The following ATF2 variants were observed in gnomAD, a reference collection of about 807,000 sequenced individuals.
ATF2 encodes the protein cyclic AMP-dependent transcription factor ATF-2.
Under a neutral mutation model 60.6 loss-of-function variants are expected in ATF2, and 24 were observed. The ratio of observed to expected loss-of-function variants is 0.40; its 90% CI spans 0.29 to 0.56. ATF2 has a LOEUF of 0.56. Among genes scored for constraint, ATF2 ranks in the 20% least tolerant of loss-of-function variants. The probability of loss-of-function intolerance (pLI) is 0.54; values close to 1 mark genes in which losing one functional copy is unlikely to be tolerated. For missense variants in ATF2, 433 were observed against 607.7 expected, an observed-to-expected ratio of 0.71 and a Z score of 3.02; for synonymous variants, 206 against 215.4, an observed-to-expected ratio of 0.96 and a Z score of 0.38.
intron 13 of ATF2, among the ~76,000 whole-genome samples, chr2:175,077,368 G>A (rs999276154): frequency 3.3e-5 from 5 of 152,098 alleles, no homozygotes; most frequent in Non-Finnish European, 5.9e-5. Context: ...CTGAGGAATC[G>A]CCACACTGAC....
intron 7 of ATF2, among the ~76,000 whole-genome samples, chr2:175,116,145 G>GT (rs1296448431): frequency 6.6e-6 from 1 of 152,104 alleles, no homozygotes; most frequent in East Asian, 1.9e-4. Context: ...TTTTAAGCAG[G>GT]TGACATATTT....
chr2:175,093,302 G>T, intron 11 of ATF2, 35 bp from the exon 12 acceptor site: 1 of 1,592,330 alleles, frequency 6.3e-7, no homozygotes, highest in Non-Finnish European at 8.6e-7. Flanking sequence ...TGTTATATTT[G>T]TATCTAGTGA....
chr2:175,105,001 T>C (rs1039867565), intron 10 of ATF2, among the ~76,000 whole-genome samples: 11 of 152,156 alleles, frequency 7.2e-5, no homozygotes, highest in African/African-American at 2.2e-4. Flanking sequence ...AAATAATTAA[T>C]GAATATTTAA....
At chr2:175,077,259 C>T (rs2105524417) in intron 13 of ATF2, among the ~76,000 whole-genome samples, 1 of 152,264 alleles carries the variant, frequency 6.6e-6, no homozygotes, top group South Asian at 2.1e-4. Flanking sequence ...AATAAACATA[C>T]ATTTGCATGT....
intron 10 of ATF2, among the ~76,000 whole-genome samples, chr2:175,106,364 T>TA (rs1333480544): frequency 2.0e-5 from 3 of 148,054 alleles, no homozygotes; most frequent in Non-Finnish European, 4.5e-5. Context: ...TACCCATCTC[T>TA]AAAAATACAA....
intron 1 of ATF2, among the ~76,000 whole-genome samples, chr2:175,166,744 T>C (rs1251240907): frequency 1.3e-5 from 2 of 152,200 alleles, no homozygotes; most frequent in Non-Finnish European, 2.9e-5. Flanking sequence ...ACGCCAGTGG[T>C]CATGTTTCTT....
At chr2:175,155,328 T>A (rs1053890574) in intron 1 of ATF2, among the ~76,000 whole-genome samples, 3 of 152,048 alleles carry the variant, frequency 2.0e-5, no homozygotes, top group African/African-American at 7.3e-5. Flanking sequence ...AAAATAAGAG[T>A]GCCTTAAAAC....
chr2:175,090,743 C>CA (rs1179383879), intron 12 of ATF2, among the ~76,000 whole-genome samples: 1 of 151,978 alleles, frequency 6.6e-6, no homozygotes, highest in African/African-American at 2.4e-5. Context: ...TCTCATGCTT[C>CA]AAAAAATGAT....
intron 2 of ATF2, among the ~76,000 whole-genome samples, chr2:175,140,091 T>C (rs1698400347): frequency 6.6e-6 from 1 of 152,180 alleles, no homozygotes; most frequent in Non-Finnish European, 1.5e-5. Flanking sequence ...TAATCTTTAA[T>C]TTCATAGAGG....
chr2:175,157,644 G>C (rs1044481781), intron 1 of ATF2, among the ~76,000 whole-genome samples: 2 of 152,128 alleles, frequency 1.3e-5, no homozygotes, highest in Admixed American at 1.3e-4. Flanking sequence ...CAACACTGAA[G>C]GGGGAGGGGC....
intron 11 of ATF2, among the ~76,000 whole-genome samples, chr2:175,094,936 C>A (rs888093201): frequency 6.6e-6 from 1 of 151,548 alleles, no homozygotes; most frequent in Non-Finnish European, 1.5e-5. Flanking sequence ...AGGAAGATCC[C>A]GTCTCAAAAA....
chr2:175,089,777 G>A (rs1694417380), intron 12 of ATF2, among the ~76,000 whole-genome samples: 1 of 152,102 alleles, frequency 6.6e-6, no homozygotes, highest in South Asian at 2.1e-4. Flanking sequence ...ATAACAGAAA[G>A]TCATCATTGA....
intron 10 of ATF2, among the ~76,000 whole-genome samples, chr2:175,108,545 C>T (rs1476832977): frequency 1.3e-5 from 2 of 149,736 alleles, no homozygotes; most frequent in Middle Eastern, 3.5e-3. Flanking sequence ...CCGCCCCATC[C>T]GGGAGGGAGG....
At chr2:175,151,729 G>T (rs529715052) in intron 1 of ATF2, among the ~76,000 whole-genome samples, 3 of 152,246 alleles carry the variant, frequency 2.0e-5, no homozygotes, top group South Asian at 2.1e-4. Context: ...TGGCTTAAAT[G>T]ATTCAGAAGT....
rs376713123 is a variant in ATF2 at position 175,080,688 on chromosome 2, G to A, written c.1263C>T (p.Thr421=). 20 of 1,612,750 alleles carry A rather than the reference G, an allele frequency of 1.2e-5. No individual in the cohort carries two copies. Among genetic ancestry groups the A allele is most frequent in the South Asian group, 7.7e-5 (7 of 90,982 alleles). ...GATAGCCAGATTTCTTCTGCATGGC[G>A]GTTACAGGGCAATCTTTATGAGCCA... ...LLLAHKDCPV[T]AMQKKSGYHT... Residue 421 remains threonine, a synonymous_variant, in exon 13 of 14, where the codon ACC becomes ACT. Coordinates refer to ENST00000264110, the MANE Select transcript of ATF2 (RefSeq NM_001880.4).
intron 4 of ATF2, among the ~76,000 whole-genome samples, chr2:175,126,308 C>T (rs547363307): frequency 1.5e-3 from 230 of 152,264 alleles, no homozygotes; most frequent in African/African-American, 5.3e-3. Flanking sequence ...ACCAGAGGTG[C>T]CCTAAAGCTT....
intron 1 of ATF2, among the ~76,000 whole-genome samples, chr2:175,159,623 A>G (rs975085058): frequency 4.6e-5 from 7 of 152,226 alleles, no homozygotes; most frequent in Admixed American, 2.0e-4. Context: ...TGAGTATGTG[A>G]AGAGTGAAAT....
At chr2:175,089,796 T>C (rs893224845) in intron 12 of ATF2, among the ~76,000 whole-genome samples, 7 of 152,136 alleles carry the variant, frequency 4.6e-5, no homozygotes, top group African/African-American at 1.7e-4. Flanking sequence ...GAAGTACCCT[T>C]TCTTCCCAAA....
intron 10 of ATF2, among the ~76,000 whole-genome samples, chr2:175,104,827 A>G (rs62184464): frequency 0.25 from 38,092 of 151,870 alleles, 5,489 homozygotes; most frequent in African/African-American, 0.41. Flanking sequence ...TACAAGTATA[A>G]TCTAATCTAA....
Sources: gnomAD v4.1 joint callset for allele counts (sites outside exome capture counted in the v4.1 genomes callset) on GRCh38, gnomAD v4.1.1 for gene constraint, MANE v1.5 for transcripts, NCBI Gene and HGNC (gene_info 2026-07-23, HGNC 2026-07-21) for gene names.